The following DIAPH2 variants were observed in gnomAD, a reference collection of about 807,000 sequenced individuals.
The protein encoded by DIAPH2 is diaphanous related formin 2.
Under a neutral mutation model 92.7 loss-of-function variants are expected in DIAPH2, and 35 were observed. That is an observed-to-expected ratio of 0.38 (90% CI 0.29 to 0.50). The LOEUF is 0.50. DIAPH2 is among the 20% of genes least tolerant of loss of function. DIAPH2 has a pLI of 0.94. For synonymous variants in DIAPH2, 301 were observed against 280.4 expected (o/e 1.07, Z -0.73); for missense variants, 701 against 819.5 (o/e 0.86, Z 1.77).
intron 23 of DIAPH2, among the ~76,000 whole-genome samples, chrX:97,257,895 A>G (rs1038733830): frequency 1.9e-5 from 2 of 107,860 alleles, no homozygotes; most frequent in African/African-American, 6.9e-5. Context: ...TTTATGTATC[A>G]TTCTCCCCTA....
chrX:96,846,718 G>A (rs989108900), intron 4 of DIAPH2, among the ~76,000 whole-genome samples: 1 of 104,262 alleles, frequency 9.6e-6, no homozygotes, highest in Non-Finnish European at 2.0e-5. Flanking sequence ...GATATTTAGT[G>A]TTTTTTAGTT....
At chrX:96,957,774 A>G in intron 15 of DIAPH2, 54 bp from the exon 16 acceptor site, 4 of 862,437 alleles carry the variant, frequency 4.6e-6, no homozygotes, top group Non-Finnish European at 5.0e-6. Flanking sequence ...ATATTTCTTC[A>G]GTTTTTTCAA....
At chrX:97,271,846 CAT>C (rs1491009250) in intron 23 of DIAPH2, among the ~76,000 whole-genome samples, 5 of 107,673 alleles carry the variant, frequency 4.6e-5, no homozygotes, top group Non-Finnish European at 9.6e-5. Context: ...CACACACACA[CAT>C]GCGTACAGAC....
rs1456919515 is a variant in DIAPH2 at position 96,837,754 on chromosome X, G to A, written c.448-43825G>A. 5.4e-5 allele frequency among the ~76,000 whole-genome samples: 6 copies of A among 110,973 alleles called. No individual in the cohort carries two copies. The Admixed American group carries it at 5.8e-4, about 11-fold the overall frequency. On this transcript the variant is annotated intron_variant, in intron 4 of 26. Coordinates refer to ENST00000324765, the MANE Select transcript of DIAPH2 (RefSeq NM_006729.5). Reference sequence around the variant, plus strand: ...AATGCGATAATTCTTAATTGAAATGGCGGCCTTTTTGAACTCTTGTGGGCA... The same window carrying A: ...AATGCGATAATTCTTAATTGAAATGACGGCCTTTTTGAACTCTTGTGGGCA...
At chrX:96,753,781 A>G (rs998401074) in intron 3 of DIAPH2, among the ~76,000 whole-genome samples, 1 of 112,269 alleles carries the variant, frequency 8.9e-6, no homozygotes, top group African/African-American at 3.2e-5. Flanking sequence ...CAACTGAAAT[A>G]CAGTTCCAAT....
chrX:97,307,218 C>T (rs1052586151), intron 23 of DIAPH2, among the ~76,000 whole-genome samples: 1 of 112,026 alleles, frequency 8.9e-6, no homozygotes, highest in Non-Finnish European at 1.9e-5. Context: ...AAGTTTATTC[C>T]TATAAAGTAG....
intron 20 of DIAPH2, among the ~76,000 whole-genome samples, chrX:97,109,458 T>C (rs911428149): frequency 9.0e-6 from 1 of 111,668 alleles, no homozygotes; most frequent in Non-Finnish European, 1.9e-5. Context: ...CTCAAACCTA[T>C]GTCTGTGTAA....
At chrX:97,375,917 G>A (rs2069495916) in intron 24 of DIAPH2, among the ~76,000 whole-genome samples, 1 of 111,585 alleles carries the variant, frequency 9.0e-6, no homozygotes, top group Non-Finnish European at 1.9e-5. Flanking sequence ...GGAACCAAGT[G>A]TGGGCTAATT....
At chrX:97,084,411 G>T (rs754231397) in intron 19 of DIAPH2, among the ~76,000 whole-genome samples, 1 of 111,543 alleles carries the variant, frequency 9.0e-6, no homozygotes, top group East Asian at 2.8e-4. Flanking sequence ...TTGGTATTTT[G>T]AAATATTTTC....
intron 23 of DIAPH2, among the ~76,000 whole-genome samples, chrX:97,270,311 G>A (rs967079143): frequency 1.8e-5 from 2 of 111,865 alleles, no homozygotes; most frequent in African/African-American, 3.2e-5. Flanking sequence ...TGATCCGCCC[G>A]CCTCGGCCTC....
intron 4 of DIAPH2, among the ~76,000 whole-genome samples, chrX:96,837,311 A>C (rs750902865): frequency 8.1e-5 from 9 of 110,458 alleles, no homozygotes; most frequent in African/African-American, 2.3e-4. Flanking sequence ...ATGAGTTTAC[A>C]TCTAATAAGA....
chrX:96,899,807 G>A (rs922562196), intron 5 of DIAPH2, among the ~76,000 whole-genome samples: 4 of 110,040 alleles, frequency 3.6e-5, no homozygotes, highest in Non-Finnish European at 5.7e-5. Flanking sequence ...TCTTGTGCCA[G>A]TTTTCAAAGG....
intron 26 of DIAPH2, chrX:97,469,966 G>C: frequency 2.1e-6 from 1 of 471,212 alleles, no homozygotes; most frequent in East Asian, 4.4e-5. Flanking sequence ...ATAGACTTGG[G>C]AAGAAAACAG....
intron 5 of DIAPH2, among the ~76,000 whole-genome samples, chrX:96,898,222 G>T (rs1459981514): frequency 1.0e-5 from 1 of 97,749 alleles, no homozygotes; most frequent in Non-Finnish European, 2.1e-5. Flanking sequence ...ATGATTTATA[G>T]TCCTTTGGGT....
chrX:96,708,010 G>A (rs2063896228), intron 1 of DIAPH2, among the ~76,000 whole-genome samples: 1 of 111,372 alleles, frequency 9.0e-6, no homozygotes, highest in Non-Finnish European at 1.9e-5. Flanking sequence ...TTGCAGATGA[G>A]CTGTTCTATT....
chrX:97,368,751 AAATT>A (rs1197880270), intron 24 of DIAPH2, among the ~76,000 whole-genome samples: 1 of 111,278 alleles, frequency 9.0e-6, no homozygotes, highest in Non-Finnish European at 1.9e-5. Context: ...TATTTACACT[AAATT>A]AATCAGCATT....
intron 17 of DIAPH2, among the ~76,000 whole-genome samples, chrX:97,036,255 G>A (rs1427357566): frequency 1.8e-5 from 2 of 111,682 alleles, no homozygotes; most frequent in East Asian, 5.6e-4. Flanking sequence ...CTATATTTAT[G>A]TAAAATACAC....
At chrX:97,154,590 C>T (rs754576150) in intron 22 of DIAPH2, among the ~76,000 whole-genome samples, 1 of 111,247 alleles carries the variant, frequency 9.0e-6, no homozygotes, top group Admixed American at 9.6e-5. Flanking sequence ...TTTCCTTCTA[C>T]GTGTCCACAG....
At position 96,931,860 on chromosome X, in the gene DIAPH2, G is replaced by C. The variant is rs527887643; in HGVS notation, c.1089+1017G>C. Among the ~76,000 whole-genome samples the C allele has an allele frequency of 5.8e-4, 64 of 111,115 alleles. 1 individual carries two copies. The highest frequency in any genetic ancestry group is 1.9e-3 in the African/African-American group (59 of 30,651). ...TAAGATGTATGATTGGGTCCACCTG[G>C]TTTTGGAAATTTCTATGTCAATCCC... On this transcript the variant is annotated intron_variant, in intron 10 of 26. Transcript: ENST00000324765.
Sources: gnomAD v4.1 joint callset for allele counts (sites outside exome capture counted in the v4.1 genomes callset) on GRCh38, gnomAD v4.1.1 for gene constraint, MANE v1.5 for transcripts, NCBI Gene and HGNC (gene_info 2026-07-23, HGNC 2026-07-21) for gene names.